Variants in PHF24 observed in about 807,000 individuals in gnomAD.
The protein encoded by PHF24 is PHD finger protein 24.
PHF24 carries 25 observed loss-of-function variants against 42.6 expected under a neutral mutation model. The ratio of observed to expected loss-of-function variants is 0.59; its 90% CI spans 0.43 to 0.82. The LOEUF (loss-of-function observed/expected upper bound fraction) is 0.82, where lower values mean the gene tolerates loss of function less well. PHF24 is among the 40% of genes least tolerant of loss of function. PHF24 has a pLI of 0.00. For missense variants in PHF24, 470 were observed against 538.1 expected, an observed-to-expected ratio of 0.87 and a Z score of 1.25; for synonymous variants, 185 against 204.8, an observed-to-expected ratio of 0.90 and a Z score of 0.83.
the PHF24 span, among the ~76,000 whole-genome samples, chr9:34,712,472 T>C: frequency 6.6e-6 from 1 of 152,174 alleles, no homozygotes; most frequent in Non-Finnish European, 1.5e-5. Context: ...TTTCTTCTCA[T>C]ACTTGATAAT....
chr9:34,741,450 C>T, the PHF24 span, among the ~76,000 whole-genome samples: 3 of 152,004 alleles, frequency 2.0e-5, no homozygotes, highest in Non-Finnish European at 4.4e-5. Context: ...GCAACCTCCA[C>T]CTCCCAGGTT....
At chr9:34,955,795 C>T (rs915440550), upstream of PHF24, among the ~76,000 whole-genome samples, 1 of 152,146 alleles carries the variant, frequency 6.6e-6, no homozygotes, top group Non-Finnish European at 1.5e-5. Flanking sequence ...ATTCCTTTGA[C>T]CTTGAAAATC....
chr9:34,921,029 T>C, the PHF24 span, among the ~76,000 whole-genome samples: 3 of 152,204 alleles, frequency 2.0e-5, no homozygotes, highest in African/African-American at 7.2e-5. Context: ...CAGTACTGTG[T>C]TGAATAACAG....
the PHF24 span, among the ~76,000 whole-genome samples, chr9:34,890,521 C>T: frequency 1.1e-4 from 17 of 152,216 alleles, no homozygotes; most frequent in African/African-American, 3.6e-4. Context: ...GGAACTAGAT[C>T]ACTTGTAGCT....
the PHF24 span, among the ~76,000 whole-genome samples, chr9:34,740,905 TA>T: frequency 6.6e-6 from 1 of 150,458 alleles, no homozygotes. Context: ...TTTTTTTGGT[TA>T]TGGAGTTCCA....
At chr9:34,817,522 C>T in the PHF24 span, among the ~76,000 whole-genome samples, 4 of 152,110 alleles carry the variant, frequency 2.6e-5, no homozygotes, top group Non-Finnish European at 5.9e-5. Context: ...TGGGGACAAT[C>T]TCTTATATCT....
the PHF24 span, among the ~76,000 whole-genome samples, chr9:34,732,220 C>T: frequency 6.6e-6 from 1 of 152,088 alleles, no homozygotes; most frequent in South Asian, 2.1e-4. Flanking sequence ...TTCCCACCAT[C>T]AGTGTACAAG....
chr9:34,971,781 C>T (rs1826999080), intron 2 of PHF24, 105 bp downstream of exon 2: 2 of 1,306,266 alleles, frequency 1.5e-6, no homozygotes, highest in Admixed American at 2.3e-5. Flanking sequence ...AAAAATGGAG[C>T]TGAGTCCAAA....
At chr9:34,935,419 C>A in the PHF24 span, among the ~76,000 whole-genome samples, 943 of 152,026 alleles carry the variant, frequency 6.2e-3, 15 homozygotes, top group African/African-American at 0.022. Flanking sequence ...CATGATGAAA[C>A]CTCATCTCAA....
the PHF24 span, among the ~76,000 whole-genome samples, chr9:34,851,219 G>A: frequency 6.6e-6 from 1 of 152,188 alleles, no homozygotes; most frequent in African/African-American, 2.4e-5. Context: ...GCCTGCAGAG[G>A]CATGCAGGCT....
chr9:34,970,988 G>A (rs1482927117), intron 1 of PHF24, among the ~76,000 whole-genome samples: 4 of 152,146 alleles, frequency 2.6e-5, no homozygotes, highest in Non-Finnish European at 5.9e-5. Flanking sequence ...CAAGGTGGTA[G>A]GCCTGTGATC....
the PHF24 span, among the ~76,000 whole-genome samples, chr9:34,672,016 A>G: frequency 6.6e-6 from 1 of 152,180 alleles, no homozygotes; most frequent in African/African-American, 2.4e-5. Context: ...AGTTATGGTA[A>G]TAATTAACAT....
At chr9:34,839,132 G>A in the PHF24 span, among the ~76,000 whole-genome samples, 1 of 152,182 alleles carries the variant, frequency 6.6e-6, no homozygotes, top group Non-Finnish European at 1.5e-5. Context: ...GGGAGAGATT[G>A]TAAATGCTGC....
At chr9:34,781,812 A>G in the PHF24 span, among the ~76,000 whole-genome samples, 5,117 of 152,256 alleles carry the variant, frequency 0.034, 293 homozygotes, top group African/African-American at 0.12. Flanking sequence ...GCAACAATGC[A>G]TGTGCCAGTG....
chr9:34,746,180 A>G, the PHF24 span, among the ~76,000 whole-genome samples: 8 of 152,244 alleles, frequency 5.3e-5, no homozygotes, highest in Non-Finnish European at 8.8e-5. Flanking sequence ...CTTTTGGTCA[A>G]TCCTGAAGAG....
the PHF24 span, among the ~76,000 whole-genome samples, chr9:34,740,610 C>T: frequency 6.6e-6 from 1 of 152,206 alleles, no homozygotes; most frequent in Non-Finnish European, 1.5e-5. Flanking sequence ...TTCCCGCTGG[C>T]GCCTCTCCCT....
chr9:34,940,475 G>T, the PHF24 span, among the ~76,000 whole-genome samples: 1 of 152,040 alleles, frequency 6.6e-6, no homozygotes, highest in African/African-American at 2.4e-5. Flanking sequence ...ATTCTTACAG[G>T]GTGTGGTGGC....
chr9:34,834,951 A>T, the PHF24 span: 1 of 1,445,464 alleles, frequency 6.9e-7, no homozygotes, highest in Non-Finnish European at 9.3e-7. Flanking sequence ...AGGCCTTGAG[A>T]TCCCATGAAA....
the PHF24 span, among the ~76,000 whole-genome samples, chr9:34,848,557 G>A: frequency 6.6e-6 from 1 of 151,878 alleles, no homozygotes; most frequent in Non-Finnish European, 1.5e-5. Flanking sequence ...ACCACCTCCT[G>A]GATTCATTAA....
Sources: gnomAD v4.1 joint callset for allele counts (sites outside exome capture counted in the v4.1 genomes callset) on GRCh38, gnomAD v4.1.1 for gene constraint, MANE v1.5 for transcripts, NCBI Gene and HGNC (gene_info 2026-07-23, HGNC 2026-07-21) for gene names.